Variants in CEP350 observed in about 807,000 individuals in gnomAD.
The protein encoded by CEP350 is centrosome-associated protein 350.
CEP350 carries 126 observed loss-of-function variants against 331.8 expected under a neutral mutation model. That is an observed-to-expected ratio of 0.38 (90% CI 0.33 to 0.44). The LOEUF is 0.44. Ranked by LOEUF, CEP350 falls within the 20% of genes least tolerant of loss-of-function variation. CEP350 has a pLI of 1.00. For synonymous variants in CEP350, 1,200 were observed against 1,259.5 expected, an observed-to-expected ratio of 0.95 and a Z score of 1.00; for missense variants, 3,406 against 3,634.6, an observed-to-expected ratio of 0.94 and a Z score of 1.62.
intron 37 of CEP350, among the ~76,000 whole-genome samples, chr1:180,107,947 G>A (rs73036436): frequency 0.017 from 2,559 of 151,974 alleles, 73 homozygotes; most frequent in African/African-American, 0.058. Context: ...ATCTTCAGGA[G>A]CAGGATCGGG....
intron 17 of CEP350, among the ~76,000 whole-genome samples, chr1:180,039,123 C>A (rs1484611420): frequency 1.7e-5 from 1 of 57,168 alleles, no homozygotes; most frequent in Admixed American, 2.8e-4. Context: ...GCGGGTTGGG[C>A]GTGGTGGGGG....
rs1571946198 is a variant in CEP350, at chr1:180,065,050, C to T, written c.5410-65C>T. ...GTGGATAAACTTAATTTTGAATTGA[C>T]AGTATTATGATGGCTTCAAGGTCCT... On this transcript the variant is annotated intron_variant, in intron 26 of 37. Transcript: ENST00000367607. 2.8e-6 allele frequency: 4 copies of T among 1,420,884 alleles called. No homozygotes were observed. In the East Asian group the frequency reaches 1.0e-4, roughly 36 times the overall value. 88.0% of individuals were successfully genotyped at this position (1,420,884 alleles called of 1,614,324 possible).
In CEP350 at chr1:180,033,856, T is replaced by G. The variant is rs368640134; in HGVS notation, c.3726-6T>G. On this transcript the variant is annotated splice_polypyrimidine_tract_variant and splice_region_variant and intron_variant, in intron 15 of 37. Coordinates refer to ENST00000367607, the MANE Select transcript of CEP350 (RefSeq NM_014810.5). ...CTCTAATGTTTTTGTGGATCAAAAC[T>G]TCTAGTGTCTCATCAGATAAGGGAA... 3.1e-6 allele frequency: 5 copies of G among 1,612,716 alleles called. No individual in the cohort carries two copies. The highest frequency in any genetic ancestry group is 4.2e-6 in the Non-Finnish European group (5 of 1,179,000).
chr1:179,967,244 G>T (rs561555730), intron 1 of CEP350, among the ~76,000 whole-genome samples: 1 of 152,102 alleles, frequency 6.6e-6, no homozygotes, highest in South Asian at 2.1e-4. Flanking sequence ...ATTTATCTTT[G>T]ATTAGTTTGG....
chr1:180,085,103 C>A (rs1214635201), intron 31 of CEP350, among the ~76,000 whole-genome samples: 1 of 150,450 alleles, frequency 6.6e-6, no homozygotes, highest in African/African-American at 2.4e-5. Flanking sequence ...TTCCCCTTCC[C>A]CTTTCCCCTT....
In CEP350 at chr1:180,112,188, A is replaced by G. The variant is rs1446468981; in HGVS notation, c.*1027A>G. The G allele has an allele frequency of 6.6e-6, 1 of 152,656 alleles. No homozygotes were observed. The highest frequency in any genetic ancestry group is 1.5e-5 in the Non-Finnish European group (1 of 68,028). The allele number at this position is 152,656 out of a possible 1,614,324, so 9.5% of individuals were successfully genotyped here. A position where few individuals can be genotyped will look rare whatever the true frequency, so the allele number is the denominator to read the frequency against. On this transcript the variant is annotated 3_prime_UTR_variant, in exon 38 of 38. Coordinates refer to ENST00000367607, the MANE Select transcript of CEP350 (RefSeq NM_014810.5). ...TAATTTATTTTAAGATAAATTATTAAGTTGAAAATGTGTGTCCCTATTCAG... is the reference window on the plus strand; with the variant it reads ...TAATTTATTTTAAGATAAATTATTAGGTTGAAAATGTGTGTCCCTATTCAG...
Position 180,093,647 on chromosome 1 carries a change from A to T in CEP350, c.7542A>T (p.Arg2514=), listed in dbSNP as rs754399543. 5 of 1,614,000 alleles carry T rather than the reference A, an allele frequency of 3.1e-6. No individual in the cohort carries two copies. In the East Asian group the frequency reaches 1.1e-4, roughly 36 times the overall value. ...GAAATGTTCAGCCAGGAATTCTTCG[A>T]TTCAAAGGTGAGACTAGTTTTGCTA... ...LIGNVQPGIL[R]FKGETSFAKG... The change falls in exon 34 of 38, where the codon CGA becomes CGT. Residue 2514 remains arginine (R), a synonymous_variant. Coordinates refer to ENST00000367607, the MANE Select transcript of CEP350 (RefSeq NM_014810.5).
At chr1:180,080,394 G>A (rs960388588) in intron 29 of CEP350, 123 bp from the exon 30 acceptor site, 10 of 832,732 alleles carry the variant, frequency 1.2e-5, no homozygotes, top group Non-Finnish European at 1.8e-5. Context: ...TTTCACTTAT[G>A]TCTTAACAGT....
chr1:180,029,829 C>CAA (rs1655898510), intron 14 of CEP350, among the ~76,000 whole-genome samples: 1 of 152,180 alleles, frequency 6.6e-6, no homozygotes, highest in Admixed American at 6.5e-5. Flanking sequence ...CTCTCATTCT[C>CAA]CTCTTCTCCC....
At chr1:180,033,279 T>G (rs1656137263) in intron 15 of CEP350, among the ~76,000 whole-genome samples, 1 of 152,152 alleles carries the variant, frequency 6.6e-6, no homozygotes, top group African/African-American at 2.4e-5. Flanking sequence ...ACTGTTATGT[T>G]ACTTATTAGA....
intron 13 of CEP350, 141 bp from the exon 14 acceptor site, chr1:180,024,278 T>TA (rs555104162): frequency 5.6e-4 from 363 of 651,658 alleles, no homozygotes; most frequent in South Asian, 1.5e-3. Context: ...TTATGGTGGT[T>TA]AAAAAAAAAT....
chr1:179,981,527 A>G (rs1423688245), intron 1 of CEP350, among the ~76,000 whole-genome samples: 2 of 152,124 alleles, frequency 1.3e-5, no homozygotes, highest in African/African-American at 4.8e-5. Flanking sequence ...CACTAATTCA[A>G]TTTTCAGTTT....
chr1:180,027,549 T>C (rs1003094584), intron 14 of CEP350, among the ~76,000 whole-genome samples: 1 of 152,070 alleles, frequency 6.6e-6, no homozygotes, highest in African/African-American at 2.4e-5. Context: ...CCCACCTGGC[T>C]AATTTTTCTA....
At position 180,094,367 on chromosome 1, in the gene CEP350, G is replaced by A. The variant is rs1397471396; in HGVS notation, c.8262G>A (p.Leu2754=). 5 of 1,613,880 alleles carry A rather than the reference G, an allele frequency of 3.1e-6. No individual in the cohort carries two copies. Among genetic ancestry groups the A allele is most frequent in the African/African-American group, 2.7e-5 (2 of 75,044 alleles). ...SKQQLEKISL[L]TDSLLKVFVK... is the part of the protein sequence containing the mutation. The stretch of plus-strand genomic sequence containing the variant: ...AACAACTGGAAAAAATCAGCTTACT[G>A]ACAGACAGTTTACTAAAAGTCTTTG... The change falls in exon 34 of 38, where the codon CTG becomes CTA. Residue 2754 remains leucine (L), a synonymous_variant. Coordinates refer to ENST00000367607, the MANE Select transcript of CEP350 (RefSeq NM_014810.5).
chr1:180,111,346 A>G lies in CEP350; in HGVS notation c.*185A>G. On this transcript the variant is annotated 3_prime_UTR_variant, in exon 38 of 38. Transcript: ENST00000367607. ...GGTATTACAGCCTTTGCCTTTCGAG[A>G]CTATCCACTGGATTAATGGGTTATT... 3.1e-6 allele frequency: 2 copies of G among 648,356 alleles called. No individual in the cohort carries two copies. The allele number at this position is 648,356 out of a possible 1,614,324, so 40.2% of individuals were successfully genotyped here.
chr1:180,077,243 AAT>A (rs1438902826), intron 28 of CEP350, among the ~76,000 whole-genome samples: 3 of 152,192 alleles, frequency 2.0e-5, no homozygotes, highest in Admixed American at 2.0e-4. Context: ...TGATTAGAAA[AAT>A]ATATTTTTTA....
rs77344755 is a variant in CEP350 at position 180,106,357 on chromosome 1, A to G, written c.9190-4640A>G. The stretch of plus-strand genomic sequence containing the variant: ...ACACAATTAATTACAATTTGCTTCT[A>G]TAGCTTTGGGGCTTTACGTAACAAC... On this transcript the variant is annotated intron_variant, in intron 37 of 37. Transcript: ENST00000367607. Among the ~76,000 whole-genome samples, 681 of 152,292 alleles carry G rather than the reference A, an allele frequency of 4.5e-3. 7 individuals are homozygous for G. Among genetic ancestry groups the G allele is most frequent in the African/African-American group, 0.016 (646 of 41,542 alleles).
At chr1:180,087,472 ATCT>A (rs1169505120) in intron 31 of CEP350, 103 bp from the exon 32 acceptor site, 14 of 1,045,810 alleles carry the variant, frequency 1.3e-5, no homozygotes, top group Non-Finnish European at 1.9e-5. Context: ...TTTATATTAC[ATCT>A]TCTTTACTGT....
At chr1:180,022,389 G>A (rs182274073) in intron 12 of CEP350, among the ~76,000 whole-genome samples, 2 of 152,132 alleles carry the variant, frequency 1.3e-5, no homozygotes, top group Admixed American at 1.3e-4. Context: ...AGTCTGGGGG[G>A]TGGGAGATGA....
Sources: gnomAD v4.1 joint callset for allele counts (sites outside exome capture counted in the v4.1 genomes callset) on GRCh38, gnomAD v4.1.1 for gene constraint, MANE v1.5 for transcripts, NCBI Gene and HGNC (gene_info 2026-07-23, HGNC 2026-07-21) for gene names.